Variants in FAM193A observed in about 807,000 individuals in gnomAD.
FAM193A encodes family with sequence similarity 193 member A.
A neutral mutation model predicts 126.5 loss-of-function variants in FAM193A; 22 were observed. The observed-to-expected ratio is 0.17, with a 90% confidence interval of 0.12 to 0.25. The LOEUF is 0.25. Ranked by LOEUF, FAM193A falls within the 10% of genes least tolerant of loss-of-function variation. FAM193A has a pLI of 1.00. For missense variants in FAM193A, 1,675 were observed against 1,672.8 expected (o/e 1.00, Z -0.02); for synonymous variants, 761 against 646.8 (o/e 1.18, Z -2.68).
intron 17 of FAM193A, among the ~76,000 whole-genome samples, chr4:2,695,472 A>C (rs769245521): frequency 6.3e-4 from 96 of 152,312 alleles, no homozygotes; most frequent in Non-Finnish European, 1.0e-3. Context: ...TCTTGTTTGA[A>C]TACAGAGGGC....
chr4:2,705,776 A>T (rs916846052), intron 19 of FAM193A, among the ~76,000 whole-genome samples: 3 of 151,558 alleles, frequency 2.0e-5, no homozygotes, highest in Non-Finnish European at 4.4e-5. Flanking sequence ...TTTAGTAGAA[A>T]CAGGGTCTTG....
At chr4:2,581,221 C>A (rs1739912655) in intron 1 of FAM193A, among the ~76,000 whole-genome samples, 1 of 150,122 alleles carries the variant, frequency 6.7e-6, no homozygotes, top group South Asian at 2.1e-4. Flanking sequence ...GTTCTGATAC[C>A]ATATTCTCTC....
chr4:2,704,789 CTCT>C (rs1718125053), intron 19 of FAM193A, among the ~76,000 whole-genome samples: 1 of 152,146 alleles, frequency 6.6e-6, no homozygotes, highest in African/African-American at 2.4e-5. Flanking sequence ...CATTTTTCTC[CTCT>C]AATTACAATG....
At position 2,728,895 on chromosome 4, in the gene FAM193A, A is replaced by ATTTTTTTTTTTTTTTTTTTTTTTTTTT. The variant is rs1491485597; in HGVS notation, c.4455-2880_4455-2879insTTTTTTTTTTTTTTTTTTTTTTTTTTT. ...TAAGCAAATATGTTCCACCTCCAAAACTTTTTTTTTTTTTTTTTTTTTTTT... is the reference window on the plus strand; with the variant it reads ...TAAGCAAATATGTTCCACCTCCAAAATTTTTTTTTTTTTTTTTTTTTTTTTTTCTTTTTTTTTTTTTTTTTTTTTTTT... On this transcript the variant is annotated intron_variant, in intron 20 of 20. Transcript: ENST00000637812. Among the ~76,000 whole-genome samples the ATTTTTTTTTTTTTTTTTTTTTTTTTTT allele has an allele frequency of 7.6e-5, 8 of 105,710 alleles. 2 individuals are homozygous for ATTTTTTTTTTTTTTTTTTTTTTTTTTT. 69.3% of individuals were successfully genotyped at this position (105,710 alleles called of 152,430 possible). A position where few individuals can be genotyped will look rare whatever the true frequency, so the allele number is the denominator to read the frequency against.
chr4:2,564,738 A>G (rs528378581), intron 1 of FAM193A, among the ~76,000 whole-genome samples: 2 of 152,198 alleles, frequency 1.3e-5, no homozygotes, highest in South Asian at 2.1e-4. Flanking sequence ...GGAAGAGTAA[A>G]TGGTTAGAAT....
intron 7 of FAM193A, among the ~76,000 whole-genome samples, chr4:2,656,359 A>G (rs1374238343): frequency 6.6e-6 from 1 of 152,212 alleles, no homozygotes; most frequent in Admixed American, 6.5e-5. Context: ...TTATTAGTGT[A>G]TTTCAGGTTT....
intron 10 of FAM193A, among the ~76,000 whole-genome samples, chr4:2,660,328 C>T (rs1036071981): frequency 6.6e-6 from 1 of 152,152 alleles, no homozygotes; most frequent in African/African-American, 2.4e-5. Context: ...TAATTCCGGC[C>T]TCACATCTCC....
At position 2,660,121 on chromosome 4, in the gene FAM193A, G is replaced by C. The variant is rs1449773194; in HGVS notation, c.1745+67G>C. The C allele has an allele frequency of 2.0e-6, 3 of 1,509,392 alleles. No individual in the cohort carries two copies. In the Admixed American group the frequency reaches 5.2e-5, roughly 26 times the overall value. The allele number at this position is 1,509,392 out of a possible 1,614,324, so 93.5% of individuals were successfully genotyped here. A position where few individuals can be genotyped will look rare whatever the true frequency, so the allele number is the denominator to read the frequency against. ...GCCCCAGTAATGAGAAATACATACA[G>C]TAATGTCCACAGAAGTATGAACATC... On this transcript the variant is annotated intron_variant, in intron 10 of 20. Transcript: ENST00000637812.
chr4:2,695,685 T>G (rs1716954237), intron 17 of FAM193A, among the ~76,000 whole-genome samples: 1 of 152,184 alleles, frequency 6.6e-6, no homozygotes, highest in Non-Finnish European at 1.5e-5. Flanking sequence ...ATTCAGGGCT[T>G]TTTTTGGCAC....
intron 7 of FAM193A, among the ~76,000 whole-genome samples, chr4:2,650,234 G>A (rs1745530464): frequency 6.6e-6 from 1 of 152,188 alleles, no homozygotes; most frequent in African/African-American, 2.4e-5. Flanking sequence ...CCTGGTCTGT[G>A]GAAAAGTTGT....
chr4:2,723,340 C>T (rs1016264805), intron 20 of FAM193A, among the ~76,000 whole-genome samples: 1 of 151,478 alleles, frequency 6.6e-6, no homozygotes, highest in African/African-American at 2.4e-5. Flanking sequence ...CTTTGGGAGG[C>T]CAAGGCGGGT....
chr4:2,635,147 C>T (rs965625968), intron 5 of FAM193A, among the ~76,000 whole-genome samples: 7 of 152,168 alleles, frequency 4.6e-5, no homozygotes, highest in African/African-American at 1.4e-4. Context: ...CCGACTAATG[C>T]CAGCCAATCT....
At chr4:2,542,159 G>A (rs1737275904) in intron 1 of FAM193A, among the ~76,000 whole-genome samples, 1 of 152,148 alleles carries the variant, frequency 6.6e-6, no homozygotes, top group African/African-American at 2.4e-5. Context: ...GGGATTACAG[G>A]CATGTGCCAC....
rs183868290 is a variant in FAM193A, at chr4:2,596,838, A to C, written c.501+509A>C. Among the ~76,000 whole-genome samples the C allele has an allele frequency of 7.2e-5, 11 of 152,152 alleles. No homozygotes were observed. The East Asian group carries it at 2.1e-3, about 29-fold the overall frequency. On this transcript the variant is annotated intron_variant, in intron 2 of 20. Coordinates refer to ENST00000637812, the MANE Select transcript of FAM193A (RefSeq NM_001366318.2). ...GGGCCCTTGTTCCGGGCAGGCTTTC[A>C]CATGTACTGTTTGGGTTCTGGAAGG...
At chr4:2,642,465 G>T (rs1744732889) in intron 6 of FAM193A, among the ~76,000 whole-genome samples, 2 of 152,112 alleles carry the variant, frequency 1.3e-5, no homozygotes, top group African/African-American at 4.8e-5. Flanking sequence ...TCCTTACTCT[G>T]ACCCTTGCAG....
At chr4:2,707,461 G>C (rs1021470796) in intron 19 of FAM193A, among the ~76,000 whole-genome samples, 1 of 152,068 alleles carries the variant, frequency 6.6e-6, no homozygotes, top group African/African-American at 2.4e-5. Flanking sequence ...AATGTGGCCA[G>C]TCCAAATTGA....
intron 13 of FAM193A, among the ~76,000 whole-genome samples, chr4:2,685,758 G>T (rs540657603): frequency 6.6e-6 from 1 of 152,208 alleles, no homozygotes; most frequent in Non-Finnish European, 1.5e-5. Context: ...TTCCATGTCC[G>T]AGTGGGTGTG....
chr4:2,731,944 C>A lies in FAM193A; in HGVS notation c.*76C>A. On this transcript the variant is annotated 3_prime_UTR_variant, in exon 21 of 21. Transcript: ENST00000637812. ...CCCCAAGAGCCACGCCCCTCGCTGG[C>A]GCCCCAGAGCCGTGGTGCTTGCCAA... The A allele has an allele frequency of 8.8e-7, 1 of 1,130,838 alleles. No individual in the cohort carries two copies. Among genetic ancestry groups the A allele is most frequent in the Non-Finnish European group, 1.3e-6 (1 of 746,684 alleles). 70.1% of individuals were successfully genotyped at this position (1,130,838 alleles called of 1,614,324 possible).
At chr4:2,698,416 C>T (rs549409276) in intron 18 of FAM193A, among the ~76,000 whole-genome samples, 2 of 152,314 alleles carry the variant, frequency 1.3e-5, no homozygotes, top group South Asian at 4.1e-4. Context: ...GACTGCAGGA[C>T]CCATCCACGA....
Sources: allele counts gnomAD v4.1 joint callset (sites outside exome capture counted in the v4.1 genomes callset), GRCh38; gene constraint gnomAD v4.1.1; transcripts MANE v1.5; gene names NCBI Gene and HGNC (gene_info 2026-07-23, HGNC 2026-07-21).